Variants in STAT3 observed in about 807,000 individuals in gnomAD.
The protein encoded by STAT3 is DNA-binding protein APRF.
In STAT3, 7 loss-of-function variants were observed where a neutral mutation model predicts 114.3. The ratio of observed to expected loss-of-function variants is 0.06; its 90% CI spans 0.03 to 0.11. The LOEUF (loss-of-function observed/expected upper bound fraction) is 0.11, where lower values mean the gene tolerates loss of function less well. Among genes scored for constraint, STAT3 ranks in the 10% least tolerant of loss-of-function variants. STAT3 has a pLI of 1.00. For synonymous variants in STAT3, 331 were observed against 354.5 expected (o/e 0.93, Z 0.74); for missense variants, 364 against 960.9 (o/e 0.38, Z 8.21).
At chr17:42,334,697 G>A (rs1010858894) in intron 8 of STAT3, among the ~76,000 whole-genome samples, 1 of 151,988 alleles carries the variant, frequency 6.6e-6, no homozygotes, top group African/African-American at 2.4e-5. Context: ...CATCTGCCTC[G>A]ACCTCCCGAA....
chr17:42,384,111 T>A (rs2084948288), intron 1 of STAT3, among the ~76,000 whole-genome samples: 1 of 109,868 alleles, frequency 9.1e-6, no homozygotes, highest in Non-Finnish European at 2.1e-5. Context: ...TCCAAAGTTT[T>A]ATTTATTTAT....
chr17:42,338,634 G>A (rs549969039), intron 6 of STAT3, 97 bp downstream of exon 6: 74 of 1,234,970 alleles, frequency 6.0e-5, no homozygotes, highest in African/African-American at 4.1e-4. Context: ...CGCCCCGCCC[G>A]CCTTAAGATC....
In STAT3 at chr17:42,351,997, T is replaced by C. The variant is rs899329464; in HGVS notation, c.-23-3458A>G. On this transcript the variant is annotated intron_variant, in intron 1 of 23. Transcript: ENST00000264657. ...TAGGCTGGTCTTGAACTCTTATCAG[T>C]TCAAGACCAGTCTGGCCAACACAGT... Among the ~76,000 whole-genome samples, 7 of 151,758 alleles carry C rather than the reference T, an allele frequency of 4.6e-5. No individual in the cohort carries two copies. The East Asian group carries it at 1.4e-3, about 29-fold the overall frequency.
chr17:42,378,272 C>T (rs1013660277), intron 1 of STAT3, among the ~76,000 whole-genome samples: 4 of 149,550 alleles, frequency 2.7e-5, no homozygotes, highest in Non-Finnish European at 4.4e-5. Flanking sequence ...TTGTTTGAGA[C>T]GGAGTCTCTG....
At chr17:42,318,446 A>G (rs1234832730) in intron 21 of STAT3, among the ~76,000 whole-genome samples, 5 of 152,138 alleles carry the variant, frequency 3.3e-5, no homozygotes, top group Non-Finnish European at 5.9e-5. Context: ...TGCCCAGCCC[A>G]TATTCTCTTT....
chr17:42,325,538 G>A (rs957065372), intron 15 of STAT3, among the ~76,000 whole-genome samples: 10 of 151,866 alleles, frequency 6.6e-5, no homozygotes, highest in Admixed American at 4.6e-4. Flanking sequence ...AGACTCTTAT[G>A]CCCAAACTTT....
At chr17:42,319,018 A>G (rs907203932) in intron 21 of STAT3, among the ~76,000 whole-genome samples, 3 of 152,122 alleles carry the variant, frequency 2.0e-5, no homozygotes, top group Non-Finnish European at 4.4e-5. Context: ...AAGCAGGTGG[A>G]TCACTTGAGG....
At chr17:42,332,399 A>C (rs921925710) in intron 10 of STAT3, among the ~76,000 whole-genome samples, 2 of 150,140 alleles carry the variant, frequency 1.3e-5, no homozygotes, top group Non-Finnish European at 3.0e-5. Flanking sequence ...TCAGCCGGGC[A>C]TGGTGGCAGG....
chr17:42,323,726 CAAAA>C, intron 17 of STAT3, 101 bp from the exon 18 acceptor site: 1 of 1,097,664 alleles, frequency 9.1e-7, no homozygotes, highest in Non-Finnish European at 1.4e-6. Context: ...CAATGGGCCA[CAAAA>C]TAATCAGCTT....
intron 1 of STAT3, among the ~76,000 whole-genome samples, chr17:42,378,571 A>C (rs2084602467): frequency 6.6e-6 from 1 of 152,188 alleles, no homozygotes; most frequent in Admixed American, 6.6e-5. Flanking sequence ...CATTTTGGTT[A>C]ATGTTTCAAT....
rs1301777087 is a variant in STAT3 at position 42,333,633 on chromosome 17, C to T, written c.1049+40G>A. On this transcript the variant is annotated intron_variant, in intron 10 of 23. Coordinates refer to ENST00000264657, the MANE Select transcript of STAT3 (RefSeq NM_139276.3). The surrounding 1 kb of genome is among the most constrained non-coding windows in gnomAD (Gnocchi z 5.2). ...CTACCCTCACCCTAACAGTGTCCCT[C>T]AGTAAAATCTCTACTGGAAATGGAA... The T allele has an allele frequency of 6.2e-7, 1 of 1,609,160 alleles. No individual in the cohort carries two copies. Among genetic ancestry groups the T allele is most frequent in the Admixed American group, 1.7e-5 (1 of 59,970 alleles).
intron 1 of STAT3, among the ~76,000 whole-genome samples, chr17:42,360,083 A>AT (rs2083439002): frequency 7.0e-6 from 1 of 142,686 alleles, no homozygotes; most frequent in African/African-American, 2.7e-5. Context: ...AAAAAAAAAG[A>AT]TTTTTAAGTG....
chr17:42,383,084 T>A (rs1047551459), intron 1 of STAT3, among the ~76,000 whole-genome samples: 2 of 152,058 alleles, frequency 1.3e-5, no homozygotes, highest in African/African-American at 4.8e-5. Context: ...TGTCAGAATG[T>A]CTCACTCTGT....
chr17:42,351,956 G>T (rs910831529), intron 1 of STAT3, among the ~76,000 whole-genome samples: 1 of 151,638 alleles, frequency 6.6e-6, no homozygotes, highest in African/African-American at 2.4e-5. Flanking sequence ...AGTAGACAGG[G>T]TTTTACCATG....
chr17:42,329,849 T>A, intron 11 of STAT3, 73 bp from the exon 12 acceptor site: 4 of 1,542,522 alleles, frequency 2.6e-6, no homozygotes, highest in Non-Finnish European at 3.6e-6. Flanking sequence ...GACCACCTGT[T>A]ATTTACTGTC....
At chr17:42,327,786 G>A (rs1168936343) in intron 14 of STAT3, among the ~76,000 whole-genome samples, 1 of 152,126 alleles carries the variant, frequency 6.6e-6, no homozygotes. Flanking sequence ...AGCGGCTCAT[G>A]CCTGTAATCC....
rs964188518 is a variant in STAT3, at chr17:42,333,034, C to G, written c.1049+639G>C. On this transcript the variant is annotated intron_variant, in intron 10 of 23. Coordinates refer to ENST00000264657, the MANE Select transcript of STAT3 (RefSeq NM_139276.3). This position sits in a 1 kb window ranked among gnomAD's most constrained non-coding sequence, Gnocchi z 5.2. ...AAAAGATGAGTATCACTCCTTCAAG[C>G]CAAAGGTACTGAGAAAACATCTAAG... Among the ~76,000 whole-genome samples the G allele has an allele frequency of 6.6e-6, 1 of 152,134 alleles. No homozygotes were observed. Among genetic ancestry groups the G allele is most frequent in the East Asian group, 1.9e-4 (1 of 5,174 alleles).
chr17:42,334,602 T>A (rs2082156081), intron 8 of STAT3, among the ~76,000 whole-genome samples: 1 of 151,926 alleles, frequency 6.6e-6, no homozygotes, highest in Admixed American at 6.6e-5. Flanking sequence ...CCACCACCAC[T>A]CCCGGATAAT....
At chr17:42,321,780 C>T (rs961994128) in intron 21 of STAT3, among the ~76,000 whole-genome samples, 3 of 152,190 alleles carry the variant, frequency 2.0e-5, no homozygotes, top group African/African-American at 4.8e-5. Context: ...TTTCCCTTCT[C>T]GTGTTTCAGG....
Sources: allele counts gnomAD v4.1 joint callset (sites outside exome capture counted in the v4.1 genomes callset), GRCh38; gene constraint gnomAD v4.1.1; non-coding constraint Gnocchi (gnomAD v3.1); transcripts MANE v1.5; gene names NCBI Gene and HGNC (gene_info 2026-07-23, HGNC 2026-07-21).